The following SPATA13 variants were observed in gnomAD, a reference collection of about 807,000 sequenced individuals.
SPATA13 encodes the protein spermatogenesis associated 13.
In SPATA13, 50 loss-of-function variants were observed where a neutral mutation model predicts 104.0. The observed-to-expected ratio is 0.48, with a 90% CI of 0.38 to 0.61. The LOEUF (loss-of-function observed/expected upper bound fraction) is 0.61. SPATA13 is among the 20% of genes least tolerant of loss of function. The pLI is 0.00. For synonymous variants in SPATA13, 606 were observed against 667.5 expected, an observed-to-expected ratio of 0.91 and a Z score of 1.42; for missense variants, 1,524 against 1,690.6, an observed-to-expected ratio of 0.90 and a Z score of 1.73.
chr13:24,245,069 G>T (rs1193873719), intron 2 of SPATA13, among the ~76,000 whole-genome samples: 15 of 152,164 alleles, frequency 9.9e-5, no homozygotes, highest in Admixed American at 9.8e-4. Context: ...AGTCAAGAAA[G>T]ACTCTTTAGA....
intron 3 of SPATA13, among the ~76,000 whole-genome samples, chr13:24,084,969 C>T (rs1879670461): frequency 6.6e-6 from 1 of 152,170 alleles, no homozygotes. Context: ...TGTTGAATTA[C>T]CAACTAATCA....
chr13:23,984,984 G>A (rs900180484), intron 2 of SPATA13, among the ~76,000 whole-genome samples: 2 of 152,154 alleles, frequency 1.3e-5, no homozygotes, highest in Admixed American at 1.3e-4. Flanking sequence ...GAGGTGAGCT[G>A]GTCTCTTCAG....
chr13:24,273,758 T>G (rs890504028), intron 4 of SPATA13, among the ~76,000 whole-genome samples: 2 of 152,250 alleles, frequency 1.3e-5, no homozygotes, highest in Admixed American at 6.5e-5. Flanking sequence ...GATATTGTTA[T>G]GGCAGAGGAT....
chr13:24,272,079 C>T (rs1441710970), intron 4 of SPATA13, among the ~76,000 whole-genome samples: 1 of 152,230 alleles, frequency 6.6e-6, no homozygotes, highest in Non-Finnish European at 1.5e-5. Flanking sequence ...GTGGAGGAAG[C>T]GGACGTGCGG....
In SPATA13 at chr13:24,293,022, A is replaced by AAAAAAAAAAT. The variant is rs35053977; in HGVS notation, c.3081-1717_3081-1716insAAAAAAAAAT. ...AAAAAAAAAAAAAAAAAAAAAAAAA[A>AAAAAAAAAAT]GGCGAGGGTGTGGGGAGAGCCTTCT... On this transcript the variant is annotated intron_variant, in intron 9 of 12. Transcript: ENST00000382108. Among the ~76,000 whole-genome samples the AAAAAAAAAAT allele has an allele frequency of 4.5e-5, 6 of 134,818 alleles. 1 individual carries two copies. Among genetic ancestry groups the AAAAAAAAAAT allele is most frequent in the Non-Finnish European group, 8.3e-5 (5 of 60,304 alleles). 88.4% of individuals were successfully genotyped at this position (134,818 alleles called of 152,430 possible).
At chr13:24,193,051 G>C (rs1274700841) in intron 1 of SPATA13, among the ~76,000 whole-genome samples, 1 of 152,236 alleles carries the variant, frequency 6.6e-6, no homozygotes, top group African/African-American at 2.4e-5. Context: ...GCCCTGGGGG[G>C]CCAGGCTGAG....
In SPATA13 at chr13:24,278,948, CCCTCCTTCCTTCCT is replaced by C. The variant is rs1412940009; in HGVS notation, c.2165-5186_2165-5173del. 3 of 792,026 alleles carry C rather than the reference CCCTCCTTCCTTCCT, an allele frequency of 3.8e-6. No individual in the cohort carries two copies. In the African/African-American group the frequency reaches 6.6e-5, roughly 17 times the overall value. The allele number at this position is 792,026 out of a possible 1,614,324, so 49.1% of individuals were successfully genotyped here. On this transcript the variant is annotated intron_variant, in intron 4 of 12. Coordinates refer to ENST00000382108, the MANE Select transcript of SPATA13 (RefSeq NM_001166271.3). The stretch of plus-strand genomic sequence containing the variant: ...TCCCTCTTTCCTTCCTTCCTTCCTT[CCCTCCTTCCTTCCT>C]TCCCTCCTTCCCTCCCTCCCTCCCT...
chr13:24,125,108 A>G (rs1278178845), intron 3 of SPATA13, among the ~76,000 whole-genome samples: 1 of 152,054 alleles, frequency 6.6e-6, no homozygotes, highest in Non-Finnish European at 1.5e-5. Flanking sequence ...TTTCTCTCCA[A>G]CCCCTGGACC....
At chr13:24,279,859 G>GC (rs1371138071) in intron 4 of SPATA13, among the ~76,000 whole-genome samples, 4 of 152,122 alleles carry the variant, frequency 2.6e-5, no homozygotes, top group Admixed American at 2.6e-4. Flanking sequence ...CCTGGCCTCT[G>GC]CCCCCCATCT....
chr13:24,123,074 A>G lies in SPATA13; in HGVS notation c.-111-99745A>G, dbSNP rs980950225. The stretch of plus-strand genomic sequence containing the variant: ...AATGTTGTGTCATTTCTACTGCAAT[A>G]GGAGTAAATTCTTCACTATATTCAC... On this transcript the variant is annotated intron_variant, in intron 3 of 14. Transcript: ENST00000424834. 3.1e-6 allele frequency: 3 copies of G among 954,370 alleles called. No homozygotes were observed. In the Admixed American group the frequency reaches 5.1e-5, roughly 16 times the overall value. The allele number at this position is 954,370 out of a possible 1,614,324, so 59.1% of individuals were successfully genotyped here. A position where few individuals can be genotyped will look rare whatever the true frequency, so the allele number is the denominator to read the frequency against.
intron 4 of SPATA13, among the ~76,000 whole-genome samples, chr13:24,259,400 A>G (rs1325468279): frequency 1.3e-5 from 2 of 152,240 alleles, no homozygotes; most frequent in Admixed American, 1.3e-4. Flanking sequence ...TTTTCTGCAC[A>G]GGATTGAGGC....
chr13:23,999,364 C>G (rs9551033), intron 2 of SPATA13, among the ~76,000 whole-genome samples: 1 of 10,326 alleles, frequency 9.7e-5, no homozygotes, highest in Admixed American at 9.6e-4. Flanking sequence ...TCCTCATTTT[C>G]TACCAAAAAA....
intron 2 of SPATA13, among the ~76,000 whole-genome samples, chr13:24,014,862 T>G (rs1876634287): frequency 6.7e-6 from 1 of 149,710 alleles, no homozygotes; most frequent in Non-Finnish European, 1.5e-5. Context: ...CCAGGTTCCC[T>G]TTTTGGCACT....
chr13:24,283,081 AT>A (rs1875669376), intron 4 of SPATA13, among the ~76,000 whole-genome samples: 1 of 152,162 alleles, frequency 6.6e-6, no homozygotes, highest in Admixed American at 6.5e-5. Context: ...TCTGTGGAGC[AT>A]GTGCTTCGAA....
chr13:24,242,274 A>G (rs1450189109), intron 2 of SPATA13, among the ~76,000 whole-genome samples: 1 of 152,162 alleles, frequency 6.6e-6, no homozygotes, highest in Non-Finnish European at 1.5e-5. Context: ...GAAGAGTCCA[A>G]GCCGGATGCA....
chr13:24,116,259 T>A (rs1474209919), intron 3 of SPATA13, among the ~76,000 whole-genome samples: 1 of 152,232 alleles, frequency 6.6e-6, no homozygotes, highest in African/African-American at 2.4e-5. Flanking sequence ...CCTCACGTGA[T>A]GGACAGAGCA....
upstream of SPATA13, among the ~76,000 whole-genome samples, chr13:24,158,929 C>T (rs565446873): frequency 2.0e-5 from 3 of 152,284 alleles, no homozygotes; most frequent in East Asian, 5.8e-4. Context: ...GAGGGCCAGG[C>T]CTGTTTCCCA....
At chr13:24,079,684 T>C (rs1408738499) in intron 3 of SPATA13, among the ~76,000 whole-genome samples, 1 of 152,180 alleles carries the variant, frequency 6.6e-6, no homozygotes, top group Admixed American at 6.5e-5. Flanking sequence ...TTCTTTCTTC[T>C]TTTTTATCTA....
Position 24,223,154 on chromosome 13 carries a change from C to G in SPATA13, c.225C>G (p.Leu75=). Residue 75 remains leucine (L), a synonymous_variant, in exon 2 of 13, where the codon CTC becomes CTG. Coordinates refer to ENST00000382108, the MANE Select transcript of SPATA13 (RefSeq NM_001166271.3). ...TCAGCCCAGCCAAGCTTGTGCGCCTCTTTTCCACCAGTCGGAAGAGGACGG... is the reference window on the plus strand; with the variant it reads ...TCAGCCCAGCCAAGCTTGTGCGCCTGTTTTCCACCAGTCGGAAGAGGACGG... The part of the protein sequence containing the change: ...AKLSPAKLVR[L]FSTSRKRTGA... 6.4e-7 allele frequency: 1 copy of G among 1,551,738 alleles called. No homozygotes were observed. The highest frequency in any genetic ancestry group is 8.7e-7 in the Non-Finnish European group (1 of 1,147,014).
Sources: gnomAD v4.1 joint callset for allele counts (sites outside exome capture counted in the v4.1 genomes callset) on GRCh38, gnomAD v4.1.1 for gene constraint, MANE v1.5 for transcripts, NCBI Gene and HGNC (gene_info 2026-07-23, HGNC 2026-07-21) for gene names.